SMAD3: variants seen among roughly 807,000 people sequenced by gnomAD.
SMAD3 encodes the protein SMAD family member 3, also known as MAD homolog 3.
A neutral mutation model predicts 51.8 loss-of-function variants in SMAD3; 12 were observed. The ratio of observed to expected loss-of-function variants is 0.23; its 90% CI spans 0.15 to 0.38. The LOEUF is 0.38. SMAD3 is among the 10% of genes least tolerant of loss of function. SMAD3 has a pLI of 1.00. For synonymous variants in SMAD3, 238 were observed against 227.7 expected, an observed-to-expected ratio of 1.05 and a Z score of -0.41; for missense variants, 294 against 565.6, an observed-to-expected ratio of 0.52 and a Z score of 4.87.
chr15:67,128,635 G>A (rs896938008), intron 1 of SMAD3, among the ~76,000 whole-genome samples: 1 of 152,086 alleles, frequency 6.6e-6, no homozygotes, highest in Non-Finnish European at 1.5e-5. Context: ...GCAGTGGTAT[G>A]ATCATAGCTC....
At chr15:67,182,062 C>T (rs567493007) in intron 6 of SMAD3, among the ~76,000 whole-genome samples, 8 of 152,328 alleles carry the variant, frequency 5.3e-5, no homozygotes, top group African/African-American at 1.9e-4. Context: ...GCTGGGATTA[C>T]AGGCGTGAGC....
chr15:67,124,461 A>G (rs943690855), intron 1 of SMAD3, among the ~76,000 whole-genome samples: 2 of 149,112 alleles, frequency 1.3e-5, no homozygotes, highest in African/African-American at 5.0e-5. Flanking sequence ...AAAAAAAAAA[A>G]TCTATTATCT....
At chr15:67,108,846 A>C (rs905030461) in intron 1 of SMAD3, among the ~76,000 whole-genome samples, 2 of 151,486 alleles carry the variant, frequency 1.3e-5, no homozygotes, top group Non-Finnish European at 2.9e-5. Flanking sequence ...GTTGTGCTCT[A>C]TTTTCATTTG....
intron 1 of SMAD3, among the ~76,000 whole-genome samples, chr15:67,153,066 G>T (rs1962188510): frequency 6.6e-6 from 1 of 152,050 alleles, no homozygotes; most frequent in Admixed American, 6.6e-5. Flanking sequence ...GGTGACTTTG[G>T]GCAAGTCACT....
At chr15:67,184,624 G>C (rs1472784997) in intron 6 of SMAD3, 103 bp from the exon 7 acceptor site, 8 of 1,425,982 alleles carry the variant, frequency 5.6e-6, no homozygotes, top group Admixed American at 3.4e-5. Context: ...GCAGTCACTG[G>C]GAGCAGCTCT....
At chr15:67,116,733 T>A (rs891366660) in intron 1 of SMAD3, among the ~76,000 whole-genome samples, 7 of 152,244 alleles carry the variant, frequency 4.6e-5, no homozygotes, top group African/African-American at 1.4e-4. Flanking sequence ...GCAAGAAAAC[T>A]GAGCATCAGG....
At chr15:67,115,025 T>A (rs540932626) in intron 1 of SMAD3, among the ~76,000 whole-genome samples, 1 of 152,172 alleles carries the variant, frequency 6.6e-6, no homozygotes, top group Non-Finnish European at 1.5e-5. Flanking sequence ...GTTGACCCTA[T>A]CTTACCCATA....
At chr15:67,116,188 T>C (rs1433936641) in intron 1 of SMAD3, among the ~76,000 whole-genome samples, 1 of 152,086 alleles carries the variant, frequency 6.6e-6, no homozygotes, top group Non-Finnish European at 1.5e-5. Context: ...GTTGACACTG[T>C]CTGAGAGCAG....
At chr15:67,185,295 G>A (rs958240000) in intron 7 of SMAD3, among the ~76,000 whole-genome samples, 1 of 152,162 alleles carries the variant, frequency 6.6e-6, no homozygotes, top group Non-Finnish European at 1.5e-5. Context: ...TATAAGGGAC[G>A]GGTGCCAAGC....
At chr15:67,148,885 G>C (rs534486950) in intron 1 of SMAD3, among the ~76,000 whole-genome samples, 1 of 152,116 alleles carries the variant, frequency 6.6e-6, no homozygotes, top group Non-Finnish European at 1.5e-5. Context: ...CAAGCCCCTC[G>C]CTCCATCCAG....
intron 1 of SMAD3, among the ~76,000 whole-genome samples, chr15:67,133,250 G>A (rs1362031966): frequency 6.6e-6 from 1 of 152,148 alleles, no homozygotes; most frequent in East Asian, 1.9e-4. Context: ...CACGGGAAAA[G>A]CCCTTCTGGA....
intron 1 of SMAD3, among the ~76,000 whole-genome samples, chr15:67,104,769 C>G (rs987276658): frequency 6.6e-6 from 1 of 152,266 alleles, no homozygotes; most frequent in East Asian, 1.9e-4. Context: ...CCACCCTCTT[C>G]TCTTGACAGA....
chr15:67,098,986 C>T (rs1445177748), intron 1 of SMAD3: 13 of 702,272 alleles, frequency 1.9e-5, no homozygotes, highest in Non-Finnish European at 3.1e-5. Context: ...TTGCCCCAAA[C>T]TGTGGACAGA....
intron 1 of SMAD3, among the ~76,000 whole-genome samples, chr15:67,097,494 C>T (rs1487086206): frequency 6.6e-6 from 1 of 152,140 alleles, no homozygotes; most frequent in Non-Finnish European, 1.5e-5. Context: ...ATCTGCCTGC[C>T]TCAGCCTCCC....
chr15:67,155,767 TC>T (rs1291620891), intron 1 of SMAD3, among the ~76,000 whole-genome samples: 1 of 152,134 alleles, frequency 6.6e-6, no homozygotes, highest in African/African-American at 2.4e-5. Flanking sequence ...GTTGGGTTGA[TC>T]ACAGGTCAGG....
At chr15:67,143,792 G>C (rs1961898615) in intron 1 of SMAD3, among the ~76,000 whole-genome samples, 1 of 151,970 alleles carries the variant, frequency 6.6e-6, no homozygotes. Context: ...GCCTGGGCTA[G>C]AGTGCATAGT....
chr15:67,115,626 C>T (rs1566973109), intron 1 of SMAD3, among the ~76,000 whole-genome samples: 2 of 151,304 alleles, frequency 1.3e-5, no homozygotes. Flanking sequence ...GTGATTCCCT[C>T]ATCAGTAAAG....
chr15:67,167,587 C>G (rs1962626236), intron 4 of SMAD3, among the ~76,000 whole-genome samples: 1 of 152,182 alleles, frequency 6.6e-6, no homozygotes, highest in South Asian at 2.1e-4. Context: ...CTGAATGGAA[C>G]TAATGCCTCT....
At chr15:67,108,726 C>T (rs2140231815) in intron 1 of SMAD3, among the ~76,000 whole-genome samples, 1 of 152,318 alleles carries the variant, frequency 6.6e-6, no homozygotes, top group Middle Eastern at 3.4e-3. Flanking sequence ...ACCACAGCTC[C>T]CTGCCTTGTG....
Sources: allele counts gnomAD v4.1 joint callset (sites outside exome capture counted in the v4.1 genomes callset), GRCh38; gene constraint gnomAD v4.1.1; transcripts MANE v1.5; gene names NCBI Gene and HGNC (gene_info 2026-07-23, HGNC 2026-07-21).